NRG1: variants seen among roughly 807,000 people sequenced by gnomAD.
NRG1 encodes neuregulin 1, also known as pro-neuregulin-1, membrane-bound isoform.
A neutral mutation model predicts 63.8 loss-of-function variants in NRG1; 18 were observed. The ratio of observed to expected loss-of-function variants is 0.28; its 90% CI spans 0.19 to 0.42. The LOEUF is 0.42. Among genes scored for constraint, NRG1 ranks in the 10% least tolerant of loss-of-function variants. The pLI is 1.00. For missense variants in NRG1, 762 were observed against 814.7 expected, an observed-to-expected ratio of 0.94 and a Z score of 0.79; for synonymous variants, 302 against 301.3, an observed-to-expected ratio of 1.00 and a Z score of -0.02.
At chr8:31,903,471 A>G (rs1211451326) in intron 1 of NRG1, among the ~76,000 whole-genome samples, 7 of 151,872 alleles carry the variant, frequency 4.6e-5, no homozygotes, top group Non-Finnish European at 1.0e-4. Context: ...TGATTCTTCC[A>G]TGAGAGGCCC....
intron 1 of NRG1, among the ~76,000 whole-genome samples, chr8:32,268,516 C>T (rs1485844282): frequency 6.6e-6 from 1 of 152,068 alleles, no homozygotes; most frequent in African/African-American, 2.4e-5. Context: ...AAAATAAATT[C>T]AAACTTTCAA....
chr8:31,784,895 G>A (rs767196436), intron 1 of NRG1, among the ~76,000 whole-genome samples: 1 of 152,162 alleles, frequency 6.6e-6, no homozygotes, highest in Non-Finnish European at 1.5e-5. Context: ...CAGTCACCAC[G>A]AGGAAGCTTC....
chr8:31,741,278 T>G (rs1169505978), intron 1 of NRG1, among the ~76,000 whole-genome samples: 2 of 151,920 alleles, frequency 1.3e-5, no homozygotes, highest in African/African-American at 2.4e-5. Context: ...TTCAGTACCT[T>G]GGTGCCAGGA....
intron 1 of NRG1, among the ~76,000 whole-genome samples, chr8:32,485,980 T>G (rs1025837608): frequency 6.6e-6 from 1 of 152,108 alleles, no homozygotes; most frequent in Non-Finnish European, 1.5e-5. Flanking sequence ...CAGGTTGGAG[T>G]GCAATGGAGT....
intron 1 of NRG1, among the ~76,000 whole-genome samples, chr8:32,552,883 A>G (rs975361094): frequency 6.6e-6 from 1 of 152,220 alleles, no homozygotes; most frequent in Non-Finnish European, 1.5e-5. Flanking sequence ...CTGAATACCT[A>G]CTACATGCCA....
chr8:32,412,358 T>A (rs895055509), intron 1 of NRG1, among the ~76,000 whole-genome samples: 3 of 144,896 alleles, frequency 2.1e-5, no homozygotes, highest in Non-Finnish European at 4.6e-5. Context: ...AGTCATTCCA[T>A]TCCTTGTCAT....
rs537131866 is a variant in NRG1, at chr8:32,329,112, A to G, written c.38-266716A>G. Reference sequence around the variant, plus strand: ...GTTTCAAGTAGCTGGCACTATGGGCATGCATCACCATGCCTGGCTAATTGT... The same window carrying G: ...GTTTCAAGTAGCTGGCACTATGGGCGTGCATCACCATGCCTGGCTAATTGT... On this transcript the variant is annotated intron_variant, in intron 1 of 10. Transcript: ENST00000519301. 1.2e-3 allele frequency among the ~76,000 whole-genome samples: 185 copies of G among 152,248 alleles called. 1 individual carries two copies. Among genetic ancestry groups the G allele is most frequent in the African/African-American group, 4.4e-3 (182 of 41,544 alleles).
rs202212855 is a variant in NRG1 at position 32,284,477 on chromosome 8, C to CCCTG, written c.38-311339_38-311336dup. 5.6e-3 allele frequency among the ~76,000 whole-genome samples: 796 copies of CCCTG among 141,266 alleles called. 9 individuals are homozygous for CCCTG. The highest frequency in any genetic ancestry group is 0.014 in the African/African-American group (532 of 36,864). The allele number at this position is 141,266 out of a possible 152,430, so 92.7% of individuals were successfully genotyped here. A position where few individuals can be genotyped will look rare whatever the true frequency, so the allele number is the denominator to read the frequency against. On this transcript the variant is annotated intron_variant, in intron 1 of 10. Coordinates refer to the NRG1 transcript ENST00000519301. ...ACACGTGCCAGAATAATGCTTGCCT[C>CCCTG]CCTGCCTGCCTGCCTTCCTTCCTTC...
At chr8:32,588,917 A>C (rs1422445496) in intron 1 of NRG1, among the ~76,000 whole-genome samples, 1 of 152,210 alleles carries the variant, frequency 6.6e-6, no homozygotes, top group Non-Finnish European at 1.5e-5. Context: ...AACCCTATTT[A>C]ACTTGAATCA....
At chr8:31,977,605 C>T (rs1459803981) in intron 1 of NRG1, among the ~76,000 whole-genome samples, 1 of 151,918 alleles carries the variant, frequency 6.6e-6, no homozygotes, top group Admixed American at 6.6e-5. Context: ...ATCCAATATA[C>T]AAGCAAACCA....
At chr8:32,157,728 A>G (rs1167887712) in intron 1 of NRG1, among the ~76,000 whole-genome samples, 1 of 150,910 alleles carries the variant, frequency 6.6e-6, no homozygotes, top group African/African-American at 2.4e-5. Flanking sequence ...ATATATAGAG[A>G]GAATAAATAT....
chr8:32,561,007 G>A (rs775401722), intron 1 of NRG1, among the ~76,000 whole-genome samples: 6 of 152,136 alleles, frequency 3.9e-5, no homozygotes, highest in Admixed American at 1.3e-4. Flanking sequence ...GTAGTCCTGA[G>A]AAAAATCATA....
chr8:32,407,164 G>T (rs1814105436), intron 1 of NRG1, among the ~76,000 whole-genome samples: 1 of 150,970 alleles, frequency 6.6e-6, no homozygotes, highest in African/African-American at 2.4e-5. Context: ...ATGGGAAAAT[G>T]CTTTGTAAGC....
chr8:32,412,448 A>G lies in NRG1; in HGVS notation c.38-183380A>G, dbSNP rs1356260979. Among the ~76,000 whole-genome samples, 32 of 54,536 alleles carry G rather than the reference A, an allele frequency of 5.9e-4. 2 individuals carry two copies. The highest frequency in any genetic ancestry group is 1.7e-3 in the African/African-American group (31 of 18,602). 35.8% of individuals were successfully genotyped at this position (54,536 alleles called of 152,430 possible). A position where few individuals can be genotyped will look rare whatever the true frequency, so the allele number is the denominator to read the frequency against. ...CATATATATATATATATATATATAT[A>G]TATACATATATATATATATATATAT... On this transcript the variant is annotated intron_variant, in intron 1 of 10. Transcript: ENST00000519301.
chr8:32,263,574 T>C (rs1202257629), intron 1 of NRG1, among the ~76,000 whole-genome samples: 1 of 152,220 alleles, frequency 6.6e-6, no homozygotes, highest in Non-Finnish European at 1.5e-5. Flanking sequence ...TCCCAAAGAC[T>C]TTAAACGACT....
intron 1 of NRG1, among the ~76,000 whole-genome samples, chr8:31,934,728 G>A (rs1403720376): frequency 1.3e-5 from 2 of 151,822 alleles, no homozygotes; most frequent in Middle Eastern, 3.2e-3. Flanking sequence ...GTGTTTCAGG[G>A]TCTCAACTCT....
chr8:31,865,237 A>G (rs950345916), intron 1 of NRG1, among the ~76,000 whole-genome samples: 1 of 152,116 alleles, frequency 6.6e-6, no homozygotes, highest in African/African-American at 2.4e-5. Flanking sequence ...AATGGATGAG[A>G]GTTCAAGACC....
intron 1 of NRG1, among the ~76,000 whole-genome samples, chr8:32,277,779 A>C (rs1852264644): frequency 6.6e-6 from 1 of 152,184 alleles, no homozygotes; most frequent in Non-Finnish European, 1.5e-5. Flanking sequence ...TCCATAACAG[A>C]GGATCGTTCA....
chr8:31,795,091 C>A (rs34542508), intron 1 of NRG1, among the ~76,000 whole-genome samples: 2 of 152,244 alleles, frequency 1.3e-5, no homozygotes, highest in East Asian at 3.9e-4. Context: ...GTATGAGCCA[C>A]GGTGCCCAGC....
Sources: gnomAD v4.1 joint callset for allele counts (sites outside exome capture counted in the v4.1 genomes callset) on GRCh38, gnomAD v4.1.1 for gene constraint, MANE v1.5 for transcripts, NCBI Gene and HGNC (gene_info 2026-07-23, HGNC 2026-07-21) for gene names.